Variants in CCDC82 observed in about 807,000 individuals in gnomAD.
The protein encoded by CCDC82 is coiled-coil domain-containing protein 82.
In CCDC82, 47 loss-of-function variants were observed where a neutral mutation model predicts 60.6. The observed-to-expected ratio is 0.77, with a 90% CI of 0.61 to 0.99. The LOEUF (loss-of-function observed/expected upper bound fraction) is 0.99. Ranked by LOEUF, CCDC82 falls within the 50% of genes least tolerant of loss-of-function variation. The pLI is 0.00. For missense variants in CCDC82, 588 were observed against 633.0 expected (o/e 0.93, Z 0.76); for synonymous variants, 212 against 207.4 (o/e 1.02, Z -0.19).
chr11:96,364,989 A>T lies in CCDC82; in HGVS notation c.1371T>A (p.His457Gln), dbSNP rs978003769. 3 of 1,598,992 alleles carry T rather than the reference A, an allele frequency of 1.9e-6. No individual in the cohort carries two copies. In the African/African-American group the frequency reaches 4.0e-5, roughly 22 times the overall value. The part of the protein sequence containing the change: ...RTMQIDNFMS[H>Q]DKQVFTVGRI... ...AGAGGGAAGAAAATACCTGTTTATC[A>T]TGTGACATGAAATTATCTATTTGCA... The change falls in exon 8 of 10, where the codon CAT becomes CAA. Residue 457 changes from histidine (H) to glutamine (Q), a missense_variant. Physicochemically the swap from His to Gln is conservative, Grantham distance 24 (BLOSUM62 0). Coordinates refer to ENST00000646818, the MANE Select transcript of CCDC82 (RefSeq NM_024725.4).
intron 4 of CCDC82, 91 bp from the exon 5 acceptor site, chr11:96,383,564 A>C (rs1315382672): frequency 1.9e-5 from 15 of 794,528 alleles, no homozygotes; most frequent in Non-Finnish European, 2.7e-5. Context: ...TGACAGCAAA[A>C]AAATGATCCA....
intron 1 of CCDC82, 147 bp from the exon 2 acceptor site, chr11:96,387,760 T>C (rs528770611): frequency 1.6e-4 from 25 of 152,368 alleles, no homozygotes; most frequent in Non-Finnish European, 3.1e-4. Flanking sequence ...TAAAAAATTA[T>C]GTAACCGAAT....
chr11:96,383,607 T>A (rs991862928), intron 4 of CCDC82, 134 bp from the exon 5 acceptor site: 10 of 588,940 alleles, frequency 1.7e-5, no homozygotes, highest in Non-Finnish European at 2.8e-5. Flanking sequence ...AAGTTAAAAA[T>A]AAATAATTTT....
intron 1 of CCDC82, 187 bp downstream of exon 1, chr11:96,389,657 T>A (rs1411411337): frequency 6.6e-6 from 1 of 152,332 alleles, no homozygotes; most frequent in African/African-American, 2.4e-5. Flanking sequence ...GCAGCTCAGC[T>A]GAGGAGGGTT....
At chr11:96,360,487 G>C (rs1197854896) in intron 8 of CCDC82, among the ~76,000 whole-genome samples, 1 of 151,708 alleles carries the variant, frequency 6.6e-6, no homozygotes, top group African/African-American at 2.4e-5. Flanking sequence ...GAGCCACCAC[G>C]CCCAGCCAAT....
At chr11:96,371,348 C>T (rs979844317) in intron 6 of CCDC82, among the ~76,000 whole-genome samples, 12 of 152,020 alleles carry the variant, frequency 7.9e-5, no homozygotes, top group Non-Finnish European at 1.5e-4. Flanking sequence ...TTTGGGAGGC[C>T]GAGGTGGGTG....
At chr11:96,368,132 C>T (rs1398376126) in intron 7 of CCDC82, among the ~76,000 whole-genome samples, 1 of 151,996 alleles carries the variant, frequency 6.6e-6, no homozygotes, top group African/African-American at 2.4e-5. Flanking sequence ...GAATTTATTT[C>T]CTAAATAATA....
chr11:96,384,121 A>T lies in CCDC82; in HGVS notation c.627T>A (p.Arg209=). The stretch of plus-strand genomic sequence containing the variant: ...CTTCATCTTCAACCACTCTACGGGG[A>T]CGTTTAACACCTACTTTTCTAACTA... ...DILVRKVGVK[R]PRRVVEDEGS... The change falls in exon 4 of 10, where the codon CGT becomes CGA. Residue 209 remains arginine (R), a synonymous_variant. Transcript: ENST00000646818. The T allele has an allele frequency of 6.2e-7, 1 of 1,613,642 alleles. No individual in the cohort carries two copies. The highest frequency in any genetic ancestry group is 8.5e-7 in the Non-Finnish European group (1 of 1,179,742).
At chr11:96,366,180 T>C (rs1864934692) in intron 7 of CCDC82, among the ~76,000 whole-genome samples, 2 of 152,222 alleles carry the variant, frequency 1.3e-5, no homozygotes, top group Non-Finnish European at 2.9e-5. Context: ...CTCAGTTCCC[T>C]GAGTGACTAC....
intron 5 of CCDC82, among the ~76,000 whole-genome samples, chr11:96,376,746 T>C (rs1261103778): frequency 1.3e-5 from 2 of 152,096 alleles, no homozygotes; most frequent in African/African-American, 4.8e-5. Flanking sequence ...TTCTTAATAT[T>C]AGGCTTAGGA....
chr11:96,374,938 A>C (rs1351989491), intron 5 of CCDC82, among the ~76,000 whole-genome samples: 1 of 152,134 alleles, frequency 6.6e-6, no homozygotes, highest in Non-Finnish European at 1.5e-5. Context: ...TTTCTAAATA[A>C]ATAAGTAAAT....
intron 5 of CCDC82, among the ~76,000 whole-genome samples, chr11:96,374,661 G>A (rs1865473316): frequency 6.6e-6 from 1 of 151,976 alleles, no homozygotes; most frequent in Non-Finnish European, 1.5e-5. Context: ...TTGTTACACA[G>A]GTAAACTCAT....
chr11:96,369,480 T>C (rs530163677), intron 7 of CCDC82, among the ~76,000 whole-genome samples: 1 of 152,322 alleles, frequency 6.6e-6, no homozygotes, highest in African/African-American at 2.4e-5. Context: ...CCTAATTTCA[T>C]TACCGTTGTG....
chr11:96,370,336 G>A (rs564504765), intron 7 of CCDC82, among the ~76,000 whole-genome samples: 31 of 152,144 alleles, frequency 2.0e-4, no homozygotes, highest in African/African-American at 7.0e-4. Flanking sequence ...AAATCATATA[G>A]TACATCCTCT....
chr11:96,355,832 C>G (rs944674809), intron 9 of CCDC82: 1 of 152,140 alleles, frequency 6.6e-6, no homozygotes, highest in African/African-American at 2.4e-5. Flanking sequence ...ATAGTGAAGA[C>G]TACTTATTTT....
At chr11:96,375,264 T>C (rs7118648) in intron 5 of CCDC82, among the ~76,000 whole-genome samples, 11,200 of 152,250 alleles carry the variant, frequency 0.074, 456 homozygotes, top group Middle Eastern at 0.092. Context: ...TTATGCCCAG[T>C]GCTACTCATT....
rs765519872 is a variant in CCDC82 at position 96,384,119 on chromosome 11, G to C, written c.629C>G (p.Pro210Arg). 4.3e-6 allele frequency: 7 copies of C among 1,613,592 alleles called. No homozygotes were observed. Among genetic ancestry groups the C allele is most frequent in the Non-Finnish European group, 5.9e-6 (7 of 1,179,728 alleles). ...ILVRKVGVKR[P>R]RRVVEDEGSS... is the part of the protein sequence containing the mutation. ...ACCTTCATCTTCAACCACTCTACGG[G>C]GACGTTTAACACCTACTTTTCTAAC... Residue 210 changes from proline to arginine, a missense_variant, in exon 4 of 10, where the codon CCC becomes CGC. Pro to Arg is a moderately radical substitution (Grantham distance 103, BLOSUM62 -2). Coordinates refer to ENST00000646818, the MANE Select transcript of CCDC82 (RefSeq NM_024725.4).
chr11:96,354,677 T>C (rs1864255978), intron 9 of CCDC82: 1 of 152,124 alleles, frequency 6.6e-6, no homozygotes, highest in African/African-American at 2.4e-5. Context: ...GGGTCAAGAA[T>C]GATTTAGAGA....
chr11:96,368,502 C>T (rs764654814), intron 7 of CCDC82, among the ~76,000 whole-genome samples: 1 of 152,010 alleles, frequency 6.6e-6, no homozygotes, highest in African/African-American at 2.4e-5. Context: ...CTGCATTAGC[C>T]CCTAACAAGA....
Sources: allele counts gnomAD v4.1 joint callset (sites outside exome capture counted in the v4.1 genomes callset), GRCh38; gene constraint gnomAD v4.1.1; transcripts MANE v1.5; gene names NCBI Gene and HGNC (gene_info 2026-07-23, HGNC 2026-07-21).